The following PXDN variants were observed in gnomAD, a reference collection of about 807,000 sequenced individuals.
PXDN encodes peroxidasin.
PXDN carries 77 observed loss-of-function variants against 140.3 expected under a neutral mutation model. The observed-to-expected ratio is 0.55, with a 90% CI of 0.46 to 0.66. The LOEUF is 0.66. PXDN is among the 30% of genes least tolerant of loss of function. PXDN has a pLI of 0.00. For synonymous variants in PXDN, 911 were observed against 857.4 expected (o/e 1.06, Z -1.09); for missense variants, 1,838 against 2,039.5 (o/e 0.90, Z 1.90).
intron 21 of PXDN, 129 bp downstream of exon 21, chr2:1,638,717 A>T: frequency 7.1e-7 from 1 of 1,411,326 alleles, no homozygotes; most frequent in Non-Finnish European, 9.8e-7. Flanking sequence ...CCAAGGCTCC[A>T]GGGTCTGGGT....
chr2:1,725,748 C>A (rs1464964212), intron 1 of PXDN, among the ~76,000 whole-genome samples: 1 of 152,060 alleles, frequency 6.6e-6, no homozygotes, highest in African/African-American at 2.4e-5. Flanking sequence ...ACAAACAACC[C>A]CATCAAAAAG....
rs781199179 is a variant in PXDN, at chr2:1,649,598, G to A, written c.2182C>T (p.Arg728Cys). The change falls in exon 17 of 23, where the codon CGC becomes TGC. Residue 728 changes from arginine to cysteine, a missense_variant. Physicochemically the swap from Arg to Cys is radical, Grantham distance 180. Around this residue, in one of 5 missense-constraint regions of PXDN, gnomAD observed 537 missense variants for 583.9 expected, o/e 0.92. Transcript: ENST00000252804. The surrounding 1 kb of genome is among the most constrained non-coding windows in gnomAD (Gnocchi z 7.1). ...CACATGTCCGAGCAGTTGTTCACGC[G>A]CCGGTGGGCGGTACAGCCCGACAGG... ...ANLSGCTAHRRVNNCSDMCFH... is the reference protein window; with the variant it reads ...ANLSGCTAHRCVNNCSDMCFH... 21 of 1,613,900 alleles carry A rather than the reference G, an allele frequency of 1.3e-5. No homozygotes were observed. Among genetic ancestry groups the A allele is most frequent in the African/African-American group, 4.0e-5 (3 of 74,934 alleles).
At chr2:1,709,674 AC>A (rs1222916073) in intron 1 of PXDN, among the ~76,000 whole-genome samples, 6 of 152,086 alleles carry the variant, frequency 3.9e-5, no homozygotes, top group African/African-American at 1.4e-4. Flanking sequence ...TCCCGCTGTC[AC>A]CCCCACGCGG....
chr2:1,680,979 G>A (rs1157118086), intron 6 of PXDN, among the ~76,000 whole-genome samples: 1 of 152,346 alleles, frequency 6.6e-6, no homozygotes, highest in African/African-American at 2.4e-5. Flanking sequence ...GGATGTGCCT[G>A]CACCCTGGGA....
chr2:1,725,540 C>A (rs1423030305), intron 1 of PXDN, among the ~76,000 whole-genome samples: 5 of 151,910 alleles, frequency 3.3e-5, no homozygotes, highest in Non-Finnish European at 5.9e-5. Context: ...GTCTAAAACA[C>A]CAAAAGCAAT....
At chr2:1,667,379 A>C (rs1196933975) in intron 9 of PXDN, among the ~76,000 whole-genome samples, 1 of 152,222 alleles carries the variant, frequency 6.6e-6, no homozygotes, top group African/African-American at 2.4e-5. Context: ...CCAAAGAAAT[A>C]CAAACTACCA....
At chr2:1,675,204 T>G (rs1452750543) in intron 8 of PXDN, among the ~76,000 whole-genome samples, 1 of 151,934 alleles carries the variant, frequency 6.6e-6, no homozygotes, top group Non-Finnish European at 1.5e-5. Flanking sequence ...CAGGTGAGGG[T>G]GGCCTGCAGG....
chr2:1,638,797 C>T, intron 21 of PXDN, 49 bp downstream of exon 21: 3 of 1,612,350 alleles, frequency 1.9e-6, no homozygotes, highest in South Asian at 1.1e-5. Flanking sequence ...CAGGGCTGTG[C>T]TGCTGTGGAA....
chr2:1,680,137 G>T (rs1683856069), intron 7 of PXDN, 56 bp downstream of exon 7: 5 of 1,474,588 alleles, frequency 3.4e-6, no homozygotes, highest in Non-Finnish European at 4.6e-6. Context: ...TGTGTGGATG[G>T]TGTGTGTGTA....
chr2:1,643,072 A>C (rs1682765316), intron 19 of PXDN, among the ~76,000 whole-genome samples: 1 of 152,198 alleles, frequency 6.6e-6, no homozygotes, highest in Non-Finnish European at 1.5e-5. Flanking sequence ...ATTAGGCTTT[A>C]AGGAAAAATT....
intron 1 of PXDN, among the ~76,000 whole-genome samples, chr2:1,719,911 A>G (rs1684983146): frequency 1.0e-5 from 1 of 95,520 alleles, no homozygotes; most frequent in African/African-American, 3.6e-5. Context: ...AGAGAGAGGG[A>G]GGGAGGGATG....
chr2:1,680,077 G>A (rs1179865509), intron 7 of PXDN, 116 bp downstream of exon 7: 2 of 1,287,612 alleles, frequency 1.6e-6, no homozygotes, highest in Non-Finnish European at 2.1e-6. Context: ...AATGGTGTGT[G>A]TGTAAATGTG....
At chr2:1,642,033 A>T (rs895195441) in intron 19 of PXDN, among the ~76,000 whole-genome samples, 1 of 152,240 alleles carries the variant, frequency 6.6e-6, no homozygotes, top group Non-Finnish European at 1.5e-5. Context: ...AAAAACAGAT[A>T]TAAGTTTCCA....
In PXDN at chr2:1,720,707, TTCTC is replaced by T. The variant is rs200041810; in HGVS notation, c.200+23545_200+23548del. Among the ~76,000 whole-genome samples the T allele has an allele frequency of 8.5e-3, 452 of 53,482 alleles. 4 individuals carry two copies. Among genetic ancestry groups the T allele is most frequent in the African/African-American group, 0.027 (385 of 14,322 alleles). 35.1% of individuals were successfully genotyped at this position (53,482 alleles called of 152,430 possible). ...TCTTTCTCTCTCTCTCTGCATCTCT[TTCTC>T]TCTCTCTCTCTCTCACACACACACA... is the stretch of plus-strand genomic sequence containing the variant. On this transcript the variant is annotated intron_variant, in intron 1 of 22. Coordinates refer to ENST00000252804, the MANE Select transcript of PXDN (RefSeq NM_012293.3).
intron 1 of PXDN, among the ~76,000 whole-genome samples, chr2:1,732,176 T>C (rs2125491021): frequency 6.6e-6 from 1 of 152,212 alleles, no homozygotes; most frequent in Middle Eastern, 3.4e-3. Context: ...GGAAAACAGA[T>C]GTAGCCAGCA....
chr2:1,666,290 C>T lies in PXDN; in HGVS notation c.1215G>A (p.Gly405=). Residue 405 remains glycine (G), a synonymous_variant, in exon 10 of 23, where the codon GGG becomes GGA. Transcript: ENST00000252804. ...CAGAGCACGCATACTCTCCGCTGTC[C>T]CCCTGTACGACGTTCTGTATGTAAA... The part of the protein sequence containing the change: ...GGLYIQNVVQ[G]DSGEYACSAT... The T allele has an allele frequency of 4.3e-6, 7 of 1,614,052 alleles. No homozygotes were observed. Among genetic ancestry groups the T allele is most frequent in the Non-Finnish European group, 5.9e-6 (7 of 1,179,906 alleles).
At chr2:1,675,794 A>C (rs376400370) in intron 8 of PXDN, among the ~76,000 whole-genome samples, 21 of 100,250 alleles carry the variant, frequency 2.1e-4, no homozygotes, top group African/African-American at 2.1e-4. Flanking sequence ...TCACAGTTTG[A>C]GCCCGAGTAT....
chr2:1,673,930 C>T, intron 8 of PXDN, 118 bp from the exon 9 acceptor site: 1 of 1,116,306 alleles, frequency 9.0e-7, no homozygotes, highest in Non-Finnish European at 1.3e-6. Flanking sequence ...AGGAACAGCT[C>T]ACCTTCCAGG....
chr2:1,707,789 G>A (rs1572179233), intron 1 of PXDN, among the ~76,000 whole-genome samples: 1 of 151,918 alleles, frequency 6.6e-6, no homozygotes, highest in Admixed American at 6.5e-5. Flanking sequence ...CGAAAGCGAC[G>A]ATCTGCAGAT....
Sources: allele counts gnomAD v4.1 joint callset (sites outside exome capture counted in the v4.1 genomes callset), GRCh38; gene constraint gnomAD v4.1.1; regional missense constraint gnomAD v4.1.1; non-coding constraint Gnocchi (gnomAD v3.1); transcripts MANE v1.5; gene names NCBI Gene and HGNC (gene_info 2026-07-23, HGNC 2026-07-21).